Variants in WDR35 observed in about 807,000 individuals in gnomAD.
WDR35 encodes WD repeat domain 35, also known as WD repeat-containing protein 35.
A neutral mutation model predicts 158.3 loss-of-function variants in WDR35; 118 were observed. The observed-to-expected ratio is 0.75, with a 90% CI of 0.64 to 0.87. WDR35 has a LOEUF of 0.87. Ranked by LOEUF, WDR35 falls within the 40% of genes least tolerant of loss-of-function variation. WDR35 has a pLI of 0.00. For synonymous variants in WDR35, 448 were observed against 476.1 expected (o/e 0.94, Z 0.77); for missense variants, 1,263 against 1,405.8 (o/e 0.90, Z 1.62).
At position 19,930,484 on chromosome 2, in the gene WDR35, A is replaced by G. The variant is rs1319664980; in HGVS notation, c.3033T>C (p.Asn1011=). 6.2e-7 allele frequency: 1 copy of G among 1,614,030 alleles called. No homozygotes were observed. The highest frequency in any genetic ancestry group is 2.2e-5 in the East Asian group (1 of 44,880). ...VLSTTDRFTD[N]AWRGAEAYHF... The stretch of plus-strand genomic sequence containing the variant: ...GGTAAGCCTCTGCCCCTCTCCATGC[A>G]TTATCTGTGAAACGATCTGTTGTAG... The change falls in exon 25 of 27, where the codon AAT becomes AAC. Residue 1011 remains asparagine (N), a synonymous_variant. Coordinates refer to ENST00000281405, the MANE Select transcript of WDR35 (RefSeq NM_020779.4).
intron 25 of WDR35, among the ~76,000 whole-genome samples, chr2:19,926,122 A>G (rs1014478802): frequency 6.6e-6 from 1 of 152,220 alleles, no homozygotes; most frequent in Non-Finnish European, 1.5e-5. Context: ...TAACTGACTT[A>G]AGAGCCATCA....
chr2:19,948,302 G>T, intron 13 of WDR35, 85 bp from the exon 14 acceptor site: 1 of 1,254,446 alleles, frequency 8.0e-7, no homozygotes, highest in Non-Finnish European at 1.1e-6. Context: ...AATTCACTAA[G>T]CAGTCAATAT....
intron 10 of WDR35, 95 bp downstream of exon 10, chr2:19,966,629 G>T: frequency 1.4e-6 from 2 of 1,409,582 alleles, no homozygotes; most frequent in East Asian, 4.6e-5. Context: ...ATGTTTTGAT[G>T]TACTTGCCAG....
At position 19,914,167 on chromosome 2, in the gene WDR35, T is replaced by C. The variant is rs758715072; in HGVS notation, c.3232A>G (p.Ile1078Val). The change falls in exon 26 of 27, where the codon ATT (isoleucine) becomes GTT (valine). Residue 1078 changes from isoleucine (I) to valine (V), a missense_variant. Transcript: ENST00000281405. Reference sequence around the variant, plus strand: ...AGGGTCTCTAAAGATTTAAGTTTAATGAAAGCTTTTGAACAAGTCCCAAAG... The same window carrying C: ...AGGGTCTCTAAAGATTTAAGTTTAACGAAAGCTTTTGAACAAGTCCCAAAG... ...RAFGTCSKAF[I>V]KLKSLETLSS... is the part of the protein sequence containing the mutation. 6.2e-7 allele frequency: 1 copy of C among 1,614,180 alleles called. No individual in the cohort carries two copies. Among genetic ancestry groups the C allele is most frequent in the East Asian group, 2.2e-5 (1 of 44,878 alleles).
chr2:19,924,831 C>A lies in WDR35; in HGVS notation c.3121+5565G>T, dbSNP rs914711399. On this transcript the variant is annotated intron_variant, in intron 25 of 26. Transcript: ENST00000281405. Reference sequence around the variant, plus strand: ...TTTAACTGTGGGAAGCATGGTCATACTAAAAAAGAATGTAGAAAAAATCAG... The same window carrying A: ...TTTAACTGTGGGAAGCATGGTCATAATAAAAAAGAATGTAGAAAAAATCAG... Among the ~76,000 whole-genome samples, 20 of 152,000 alleles carry A rather than the reference C, an allele frequency of 1.3e-4. 1 individual carries two copies. The highest frequency in any genetic ancestry group is 1.1e-3 in the Admixed American group (17 of 15,262).
chr2:19,963,822 C>A (rs1025583142), intron 10 of WDR35, among the ~76,000 whole-genome samples: 1 of 152,162 alleles, frequency 6.6e-6, no homozygotes, highest in South Asian at 2.1e-4. Flanking sequence ...CGGCTCACTG[C>A]AGCCTCTGCC....
chr2:19,982,668 TG>T, intron 2 of WDR35, 134 bp from the exon 3 acceptor site: 4 of 952,668 alleles, frequency 4.2e-6, no homozygotes, highest in Non-Finnish European at 6.3e-6. Flanking sequence ...ATTTTTCTCA[TG>T]GTATAAACAT....
At chr2:19,988,582 T>C (rs1027775822) in intron 2 of WDR35, among the ~76,000 whole-genome samples, 4 of 152,218 alleles carry the variant, frequency 2.6e-5, no homozygotes, top group African/African-American at 9.6e-5. Flanking sequence ...TTCAGTAGTC[T>C]TGTGGAAGAG....
intron 25 of WDR35, among the ~76,000 whole-genome samples, chr2:19,915,579 G>A (rs1178382048): frequency 6.6e-6 from 1 of 151,868 alleles, no homozygotes; most frequent in Non-Finnish European, 1.5e-5. Context: ...TATAATTTAT[G>A]TCACATATTA....
At chr2:19,954,115 A>G (rs1274224314) in intron 11 of WDR35, 137 bp from the exon 12 acceptor site, 2 of 911,376 alleles carry the variant, frequency 2.2e-6, no homozygotes, top group Non-Finnish European at 1.7e-6. Flanking sequence ...CAAAATACCC[A>G]TACACAGTCT....
chr2:19,987,823 CAAAAAAAAAA>C (rs34794090), intron 2 of WDR35, among the ~76,000 whole-genome samples: 1 of 57,170 alleles, frequency 1.7e-5, no homozygotes, highest in Non-Finnish European at 3.2e-5. Flanking sequence ...AACTCTGTCT[CAAAAAAAAAA>C]AAAAAAAAAA....
chr2:19,985,736 A>AT (rs1484665984), intron 2 of WDR35, among the ~76,000 whole-genome samples: 1 of 150,304 alleles, frequency 6.7e-6, no homozygotes, highest in Non-Finnish European at 1.5e-5. Context: ...AAAAAAAAAA[A>AT]AATACAAAAA....
intron 16 of WDR35, among the ~76,000 whole-genome samples, chr2:19,945,352 AAAGT>A (rs1404352013): frequency 6.6e-6 from 1 of 152,210 alleles, no homozygotes; most frequent in African/African-American, 2.4e-5. Flanking sequence ...TAAATAAGAC[AAAGT>A]AAGCACAGAA....
rs753374553 is a variant in WDR35 at position 19,984,002 on chromosome 2, CATAT to C, written c.143-1472_143-1469del. The stretch of plus-strand genomic sequence containing the variant: ...TAGCACTGAAAAATCCATTCTAATG[CATAT>C]ATATATATATATATATATATATATA... On this transcript the variant is annotated intron_variant, in intron 2 of 26. Transcript: ENST00000281405. Among the ~76,000 whole-genome samples, 586 of 89,838 alleles carry C rather than the reference CATAT, an allele frequency of 6.5e-3. 7 individuals are homozygous for C. The highest frequency in any genetic ancestry group is 0.021 in the African/African-American group (438 of 21,078). The allele number at this position is 89,838 out of a possible 152,430, so 58.9% of individuals were successfully genotyped here. A position where few individuals can be genotyped will look rare whatever the true frequency, so the allele number is the denominator to read the frequency against.
intron 8 of WDR35, among the ~76,000 whole-genome samples, chr2:19,971,788 G>A (rs1176280762): frequency 6.6e-6 from 1 of 152,146 alleles, no homozygotes; most frequent in Admixed American, 6.5e-5. Context: ...TCTTCTAACT[G>A]CAAACCAGCC....
At chr2:19,977,721 C>A (rs921642572) in intron 5 of WDR35, among the ~76,000 whole-genome samples, 1 of 152,120 alleles carries the variant, frequency 6.6e-6, no homozygotes, top group Admixed American at 6.5e-5. Flanking sequence ...GACTTAAGTC[C>A]AAACACCTTA....
intron 17 of WDR35, among the ~76,000 whole-genome samples, chr2:19,940,992 T>A (rs11897034): frequency 2.1e-4 from 32 of 152,304 alleles, no homozygotes; most frequent in South Asian, 1.9e-3. Flanking sequence ...AAAATGAAAC[T>A]GGCTCACAAT....
At chr2:19,942,847 C>G (rs1670920845) in intron 16 of WDR35, among the ~76,000 whole-genome samples, 1 of 152,180 alleles carries the variant, frequency 6.6e-6, no homozygotes, top group East Asian at 1.9e-4. Flanking sequence ...TTCAGACCAG[C>G]AGGGTCTCAC....
In WDR35 at chr2:19,912,313, T is replaced by C. The variant is rs1440965256; in HGVS notation, c.*1245A>G. ...GAGGCAGTCTATTTAGAGGCTACCA[T>C]TGTACCAAGGTAATTTTCCACGAGG... is the stretch of plus-strand genomic sequence containing the variant. On this transcript the variant is annotated 3_prime_UTR_variant, in exon 27 of 27. Coordinates refer to ENST00000281405, the MANE Select transcript of WDR35 (RefSeq NM_020779.4). The C allele has an allele frequency of 1.3e-5, 2 of 152,182 alleles. No homozygotes were observed. The highest frequency in any genetic ancestry group is 2.4e-5 in the African/African-American group (1 of 41,436). The allele number at this position is 152,182 out of a possible 1,614,324, so 9.4% of individuals were successfully genotyped here.
Sources: gnomAD v4.1 joint callset for allele counts (sites outside exome capture counted in the v4.1 genomes callset) on GRCh38, gnomAD v4.1.1 for gene constraint, MANE v1.5 for transcripts, NCBI Gene and HGNC (gene_info 2026-07-23, HGNC 2026-07-21) for gene names.